The following PEAK1 variants were observed in gnomAD, a reference collection of about 807,000 sequenced individuals.
The protein encoded by PEAK1 is inactive tyrosine-protein kinase PEAK1.
A neutral mutation model predicts 124.7 loss-of-function variants in PEAK1; 54 were observed. The observed-to-expected ratio is 0.43, with a 90% CI of 0.35 to 0.54. The LOEUF (loss-of-function observed/expected upper bound fraction) is 0.54. PEAK1 is among the 20% of genes least tolerant of loss of function. The probability of loss-of-function intolerance (pLI) is 0.01; values close to 1 mark genes in which losing one functional copy is unlikely to be tolerated. For missense variants in PEAK1, 2,046 were observed against 2,134.5 expected, an observed-to-expected ratio of 0.96 and a Z score of 0.82; for synonymous variants, 719 against 760.0, an observed-to-expected ratio of 0.95 and a Z score of 0.89.
At chr15:77,366,862 T>C (rs1340530962) in intron 1 of PEAK1, among the ~76,000 whole-genome samples, 3 of 152,212 alleles carry the variant, frequency 2.0e-5, no homozygotes, top group Non-Finnish European at 4.4e-5. Flanking sequence ...CGCCCAGCAA[T>C]TGGTAAAATC....
chr15:77,150,121 A>C (rs1412693725), intron 8 of PEAK1, among the ~76,000 whole-genome samples: 1 of 152,182 alleles, frequency 6.6e-6, no homozygotes, highest in Admixed American at 6.6e-5. Flanking sequence ...ATCTATAATC[A>C]TTTTAAGTTT....
In PEAK1 at chr15:77,259,539, A is replaced by C. The variant is rs1359198626; in HGVS notation, c.-274-7013T>G. Among the ~76,000 whole-genome samples, 3 of 152,204 alleles carry C rather than the reference A, an allele frequency of 2.0e-5. 1 individual carries two copies. Among genetic ancestry groups the C allele is most frequent in the Non-Finnish European group, 4.4e-5 (3 of 68,038 alleles). ...AAAAGTACATCAATGGATAAGTGTT[A>C]GGAAACAATTTCTTGGGAGCTTCTG... On this transcript the variant is annotated intron_variant, in intron 5 of 9. Transcript: ENST00000682557.
At chr15:77,365,866 T>C (rs2068198992) in intron 1 of PEAK1, among the ~76,000 whole-genome samples, 1 of 152,072 alleles carries the variant, frequency 6.6e-6, no homozygotes, top group Admixed American at 6.5e-5. Flanking sequence ...ACTCCCTATA[T>C]TATGATTGCC....
intron 5 of PEAK1, among the ~76,000 whole-genome samples, chr15:77,260,823 C>T (rs891742812): frequency 5.9e-5 from 9 of 152,180 alleles, no homozygotes; most frequent in Non-Finnish European, 1.2e-4. Flanking sequence ...CAGACTGCCT[C>T]GTCAAGTGGC....
chr15:77,401,015 A>G (rs1174527616), intron 1 of PEAK1, among the ~76,000 whole-genome samples: 3 of 152,160 alleles, frequency 2.0e-5, no homozygotes, highest in African/African-American at 7.2e-5. Flanking sequence ...TTTATGTCAG[A>G]ATAACTGACA....
intron 7 of PEAK1, among the ~76,000 whole-genome samples, chr15:77,172,967 T>G (rs996537954): frequency 2.0e-5 from 3 of 152,142 alleles, no homozygotes; most frequent in African/African-American, 7.2e-5. Context: ...TTACCTAGGC[T>G]GGTCTTGAAC....
rs375705564 is a variant in PEAK1 at position 77,229,082 on chromosome 15, C to T, written c.-115+23285G>A. Among the ~76,000 whole-genome samples, 23 of 152,252 alleles carry T rather than the reference C, an allele frequency of 1.5e-4. No homozygotes were observed. The East Asian group carries it at 3.7e-3, about 24-fold the overall frequency. ...ACCTACTTCCCCATTCTGAACCAGGCAGTCCCCTAGAAAACCATTCCAAGA... is the reference window on the plus strand; with the variant it reads ...ACCTACTTCCCCATTCTGAACCAGGTAGTCCCCTAGAAAACCATTCCAAGA... On this transcript the variant is annotated intron_variant, in intron 6 of 9. Transcript: ENST00000682557.
At chr15:77,375,538 C>T (rs1223941282) in intron 1 of PEAK1, among the ~76,000 whole-genome samples, 2 of 152,150 alleles carry the variant, frequency 1.3e-5, no homozygotes, top group African/African-American at 2.4e-5. Context: ...TTAGTAATTA[C>T]ACTTCTGACC....
intron 6 of PEAK1, among the ~76,000 whole-genome samples, chr15:77,247,631 G>A (rs1470893408): frequency 4.6e-5 from 7 of 151,178 alleles, no homozygotes; most frequent in East Asian, 1.9e-4. Flanking sequence ...GTGTGCCACC[G>A]CACCTGGCTA....
intron 2 of PEAK1, among the ~76,000 whole-genome samples, chr15:77,304,695 C>T (rs2063985664): frequency 1.3e-5 from 2 of 152,082 alleles, no homozygotes; most frequent in South Asian, 2.1e-4. Context: ...TGATCTGCTG[C>T]CTCGGCCTCC....
At chr15:77,415,651 T>C in intron 1 of PEAK1, among the ~76,000 whole-genome samples, 1 of 152,204 alleles carries the variant, frequency 6.6e-6, no homozygotes, top group Non-Finnish European at 1.5e-5. Context: ...TCATCAACTC[T>C]TCCTTCCTGC....
chr15:77,307,857 G>T (rs1243278062), intron 2 of PEAK1, among the ~76,000 whole-genome samples: 1 of 151,930 alleles, frequency 6.6e-6, no homozygotes, highest in Non-Finnish European at 1.5e-5. Flanking sequence ...TATAGGCTGG[G>T]GTATTTACCT....
At chr15:77,416,089 C>T (rs2072864214) in intron 1 of PEAK1, among the ~76,000 whole-genome samples, 1 of 152,244 alleles carries the variant, frequency 6.6e-6, no homozygotes, top group African/African-American at 2.4e-5. Context: ...ACATCCTAAT[C>T]ACCAAGTCTC....
Position 77,114,399 on chromosome 15 carries a change from C to T in PEAK1, c.4998G>A (p.Leu1666=). 1 of 1,614,186 alleles carries T rather than the reference C, an allele frequency of 6.2e-7. No individual in the cohort carries two copies. Residue 1666 remains leucine (L), a synonymous_variant, in exon 10 of 10, where the codon CTG becomes CTA. Coordinates refer to ENST00000682557, the MANE Select transcript of PEAK1 (RefSeq NM_001385026.1). ...ISDAKGILQC[L]LWGPREDLFQ... is the part of the protein sequence containing the mutation. The stretch of plus-strand genomic sequence containing the variant: ...AGAGATCTTCGCGGGGGCCCCAGAG[C>T]AGACACTGGAGGATGCCTTTGGCGT...
rs77274032 is a variant in PEAK1, at chr15:77,208,460, T to C, written c.-114-26420A>G. Among the ~76,000 whole-genome samples, 60 of 152,314 alleles carry C rather than the reference T, an allele frequency of 3.9e-4. No individual in the cohort carries two copies. The East Asian group carries it at 0.011, about 29-fold the overall frequency. On this transcript the variant is annotated intron_variant, in intron 6 of 9. Coordinates refer to ENST00000682557, the MANE Select transcript of PEAK1 (RefSeq NM_001385026.1). ...CCCTTGTCTAGAGTCACTAGTATCT[T>C]TGGGAAAACGATACCGTCACTCTCA...
intron 6 of PEAK1, among the ~76,000 whole-genome samples, chr15:77,188,995 G>A (rs531407227): frequency 3.9e-5 from 6 of 152,236 alleles, no homozygotes; most frequent in Admixed American, 6.5e-5. Flanking sequence ...GAAGTCAGGA[G>A]TTTGAGACCA....
At chr15:77,171,595 T>C (rs1445833631) in intron 7 of PEAK1, among the ~76,000 whole-genome samples, 2 of 152,042 alleles carry the variant, frequency 1.3e-5, no homozygotes, top group Non-Finnish European at 2.9e-5. Context: ...ATGGGAGAAA[T>C]AAGTTCTAGT....
chr15:77,239,201 T>C (rs573341041), intron 6 of PEAK1, among the ~76,000 whole-genome samples: 3 of 152,276 alleles, frequency 2.0e-5, no homozygotes, highest in African/African-American at 7.2e-5. Flanking sequence ...TAAGGGAAAA[T>C]GTGCTTTTTT....
At chr15:77,378,247 ATTC>A (rs1000575984) in intron 1 of PEAK1, among the ~76,000 whole-genome samples, 2 of 150,592 alleles carry the variant, frequency 1.3e-5, no homozygotes, top group African/African-American at 4.9e-5. Context: ...GCATTTTGTA[ATTC>A]TTATTTCACC....
Sources: allele counts gnomAD v4.1 joint callset (sites outside exome capture counted in the v4.1 genomes callset), GRCh38; gene constraint gnomAD v4.1.1; transcripts MANE v1.5; gene names NCBI Gene and HGNC (gene_info 2026-07-23, HGNC 2026-07-21).